BCKDHB: variants seen among roughly 807,000 people sequenced by gnomAD.
BCKDHB encodes 2-oxoisovalerate dehydrogenase subunit beta, mitochondrial.
BCKDHB carries 41 observed loss-of-function variants against 48.5 expected under a neutral mutation model. That is an observed-to-expected ratio of 0.85 (90% CI 0.66 to 1.10). The LOEUF is 1.10. BCKDHB is among the 50% of genes least tolerant of loss of function. The probability of loss-of-function intolerance (pLI) is 0.00; values close to 1 mark genes in which losing one functional copy is unlikely to be tolerated. For synonymous variants in BCKDHB, 201 were observed against 174.8 expected (o/e 1.15, Z -1.18); for missense variants, 496 against 494.2 (o/e 1.00, Z -0.03).
chr6:80,376,296 G>A, the BCKDHB span, among the ~76,000 whole-genome samples: 1 of 151,974 alleles, frequency 6.6e-6, no homozygotes, highest in South Asian at 2.1e-4. Context: ...GGGAAAGCTG[G>A]CAGACACAGG....
chr6:80,120,806 G>A (rs1310280961), intron 1 of BCKDHB, among the ~76,000 whole-genome samples: 1 of 152,136 alleles, frequency 6.6e-6, no homozygotes, highest in Non-Finnish European at 1.5e-5. Context: ...CTCCCATTCT[G>A]TAGGTTGCCC....
chr6:80,184,056 G>A (rs1182942128), intron 6 of BCKDHB, among the ~76,000 whole-genome samples: 2 of 152,136 alleles, frequency 1.3e-5, no homozygotes, highest in Non-Finnish European at 2.9e-5. Flanking sequence ...AAACATCCAT[G>A]TGCAGGTTTT....
At chr6:80,169,157 A>G (rs1423370224) in intron 5 of BCKDHB, 127 bp downstream of exon 5, 4 of 1,283,196 alleles carry the variant, frequency 3.1e-6, no homozygotes, top group Non-Finnish European at 4.3e-6. Flanking sequence ...TGTGAACTTA[A>G]CTGTATTTAA....
At chr6:80,396,989 T>C in the BCKDHB span, among the ~76,000 whole-genome samples, 1 of 152,188 alleles carries the variant, frequency 6.6e-6, no homozygotes, top group Non-Finnish European at 1.5e-5. Context: ...CACAGTTGTG[T>C]ATGTTGTATC....
the BCKDHB span, among the ~76,000 whole-genome samples, chr6:80,403,735 A>G: frequency 1.3e-5 from 2 of 151,940 alleles, no homozygotes; most frequent in African/African-American, 2.4e-5. Context: ...AAACTTTATT[A>G]TATTGAGGCA....
chr6:80,242,501 C>T (rs1776430370), intron 8 of BCKDHB, among the ~76,000 whole-genome samples: 1 of 151,890 alleles, frequency 6.6e-6, no homozygotes, highest in Admixed American at 6.6e-5. Context: ...TATTTTTAGT[C>T]CTTTTATTTT....
chr6:80,466,136 C>G, the BCKDHB span, among the ~76,000 whole-genome samples: 1 of 152,104 alleles, frequency 6.6e-6, no homozygotes, highest in Non-Finnish European at 1.5e-5. Flanking sequence ...TAAGTTCCTA[C>G]CAGGTAATTT....
chr6:80,385,532 C>A, the BCKDHB span, among the ~76,000 whole-genome samples: 1 of 152,182 alleles, frequency 6.6e-6, no homozygotes, highest in East Asian at 1.9e-4. Flanking sequence ...AACATCCCCT[C>A]CCCAGCCCAT....
At chr6:80,239,813 C>G (rs543359776) in intron 8 of BCKDHB, among the ~76,000 whole-genome samples, 41 of 152,230 alleles carry the variant, frequency 2.7e-4, no homozygotes, top group Non-Finnish European at 5.1e-4. Flanking sequence ...TTTCAGCTTT[C>G]TACGTATGGC....
chr6:80,281,839 C>G (rs1257682897), intron 9 of BCKDHB, among the ~76,000 whole-genome samples: 1 of 148,070 alleles, frequency 6.8e-6, no homozygotes, highest in East Asian at 2.0e-4. Context: ...TTCCATTTTC[C>G]TAATAAACTC....
intron 1 of BCKDHB, among the ~76,000 whole-genome samples, chr6:80,124,142 C>T (rs1285283210): frequency 2.0e-5 from 3 of 152,106 alleles, no homozygotes; most frequent in African/African-American, 7.2e-5. Flanking sequence ...GCCTTCTTTT[C>T]CTTATTTACC....
chr6:80,279,929 A>G (rs755539099), intron 9 of BCKDHB, among the ~76,000 whole-genome samples: 3 of 152,192 alleles, frequency 2.0e-5, no homozygotes, highest in African/African-American at 7.2e-5. Context: ...TGTGGCAGCT[A>G]AGTTAACTCA....
At chr6:80,460,465 C>G in the BCKDHB span, among the ~76,000 whole-genome samples, 2 of 152,114 alleles carry the variant, frequency 1.3e-5, no homozygotes, top group African/African-American at 4.8e-5. Context: ...CCACCCTAAA[C>G]AGTGAATAAA....
chr6:80,147,718 G>A (rs1771557436), intron 3 of BCKDHB, among the ~76,000 whole-genome samples: 1 of 152,078 alleles, frequency 6.6e-6, no homozygotes, highest in Non-Finnish European at 1.5e-5. Flanking sequence ...CAAGATTTCT[G>A]ATTTAGTAGG....
intron 9 of BCKDHB, among the ~76,000 whole-genome samples, chr6:80,287,678 G>A (rs981730240): frequency 6.6e-6 from 1 of 152,094 alleles, no homozygotes; most frequent in Non-Finnish European, 1.5e-5. Flanking sequence ...TTGAATACAA[G>A]GGCTTTTATA....
chr6:80,385,911 G>C, the BCKDHB span, among the ~76,000 whole-genome samples: 83 of 152,256 alleles, frequency 5.5e-4, no homozygotes, highest in African/African-American at 1.9e-3. Flanking sequence ...CACTAAGTAG[G>C]GAATCTGCAT....
At chr6:80,314,522 A>G (rs2127998685) in intron 9 of BCKDHB, among the ~76,000 whole-genome samples, 1 of 152,186 alleles carries the variant, frequency 6.6e-6, no homozygotes, top group East Asian at 1.9e-4. Context: ...ACACAGAGGG[A>G]GGTGGCTGGA....
intron 1 of BCKDHB, among the ~76,000 whole-genome samples, chr6:80,122,821 C>A (rs1179670893): frequency 6.6e-5 from 10 of 152,064 alleles, no homozygotes; most frequent in Non-Finnish European, 1.5e-5. Context: ...AGCAGAGAAC[C>A]AGTCTGACCA....
chr6:80,349,483 T>C (rs1770334580), downstream of BCKDHB, among the ~76,000 whole-genome samples: 1 of 152,122 alleles, frequency 6.6e-6, no homozygotes. Context: ...AAGACATAAA[T>C]GTAATCAGGT....
Sources: gnomAD v4.1 joint callset for allele counts (sites outside exome capture counted in the v4.1 genomes callset) on GRCh38, gnomAD v4.1.1 for gene constraint, MANE v1.5 for transcripts, NCBI Gene and HGNC (gene_info 2026-07-23, HGNC 2026-07-21) for gene names.